DSTYK: variants seen among roughly 807,000 people sequenced by gnomAD.
The protein encoded by DSTYK is dual serine/threonine and tyrosine protein kinase.
DSTYK carries 34 observed loss-of-function variants against 98.7 expected under a neutral mutation model. That is an observed-to-expected ratio of 0.34 (90% CI 0.26 to 0.46). DSTYK has a LOEUF of 0.46. Among genes scored for constraint, DSTYK ranks in the 20% least tolerant of loss-of-function variants. The pLI, the probability that DSTYK is intolerant of heterozygous loss-of-function variation, is 1.00. For synonymous variants in DSTYK, 462 were observed against 457.3 expected (o/e 1.01, Z -0.13); for missense variants, 962 against 1,181.7 (o/e 0.81, Z 2.73).
At chr1:205,196,359 C>T (rs867253682) in intron 1 of DSTYK, among the ~76,000 whole-genome samples, 39 of 152,222 alleles carry the variant, frequency 2.6e-4, no homozygotes, top group Middle Eastern at 3.4e-3. Context: ...AAGTTCAAAA[C>T]CAACCTGGGC....
chr1:205,171,804 T>C (rs1658073238), intron 2 of DSTYK, among the ~76,000 whole-genome samples: 1 of 152,220 alleles, frequency 6.6e-6, no homozygotes, highest in Admixed American at 6.5e-5. Context: ...TTTAGAGTTA[T>C]AAAAGAACTC....
chr1:205,194,514 T>C (rs1658803811), intron 1 of DSTYK, among the ~76,000 whole-genome samples: 1 of 151,674 alleles, frequency 6.6e-6, no homozygotes, highest in Non-Finnish European at 1.5e-5. Context: ...ACCCAAGGAT[T>C]TCCCTCCTTC....
In DSTYK at chr1:205,204,157, C is replaced by A. The variant is rs927254164; in HGVS notation, c.265+7114G>T. On this transcript the variant is annotated intron_variant, in intron 1 of 12. Transcript: ENST00000367162. ...CCTGAGTAGGTAGTGCCACATTATA[C>A]TCATTCAATCAGATAGTCTCCCACT... is the stretch of plus-strand genomic sequence containing the variant. 7.2e-5 allele frequency among the ~76,000 whole-genome samples: 11 copies of A among 152,260 alleles called. No homozygotes were observed. In the South Asian group the frequency reaches 8.3e-4, roughly 11 times the overall value.
chr1:205,185,573 A>G (rs1364399133), intron 2 of DSTYK, among the ~76,000 whole-genome samples: 1 of 152,222 alleles, frequency 6.6e-6, no homozygotes, highest in Non-Finnish European at 1.5e-5. Flanking sequence ...GTGGGTTGCT[A>G]CTAACATTTT....
chr1:205,181,656 T>TGTGTGTGTGTGTG lies in DSTYK; in HGVS notation c.654+5761_654+5762insCACACACACACAC, dbSNP rs1558616449. ...AGATGTGAGCCACAGATGTTGGGGT[T>TGTGTGTGTGTGTG]TGTGTGTGTGTGTGTGTGTGTGTGT... On this transcript the variant is annotated intron_variant, in intron 2 of 12. Coordinates refer to ENST00000367162, the MANE Select transcript of DSTYK (RefSeq NM_015375.3). Among the ~76,000 whole-genome samples the TGTGTGTGTGTGTG allele has an allele frequency of 7.4e-4, 106 of 142,630 alleles. 1 individual carries two copies. Among genetic ancestry groups the TGTGTGTGTGTGTG allele is most frequent in the East Asian group, 4.4e-3 (21 of 4,808 alleles). 93.6% of individuals were successfully genotyped at this position (142,630 alleles called of 152,430 possible). A position where few individuals can be genotyped will look rare whatever the true frequency, so the allele number is the denominator to read the frequency against.
At chr1:205,179,366 C>T (rs1231973918) in intron 2 of DSTYK, among the ~76,000 whole-genome samples, 5 of 150,016 alleles carry the variant, frequency 3.3e-5, no homozygotes, top group Non-Finnish European at 7.4e-5. Flanking sequence ...CATGCCTGTA[C>T]TCCCAGCACT....
chr1:205,210,208 A>G (rs951007636), intron 1 of DSTYK, among the ~76,000 whole-genome samples: 3 of 152,012 alleles, frequency 2.0e-5, no homozygotes, highest in Non-Finnish European at 4.4e-5. Flanking sequence ...CGGCCTCTTC[A>G]GGGTCTTTTC....
chr1:205,203,782 G>C (rs1240398971), intron 1 of DSTYK, among the ~76,000 whole-genome samples: 1 of 151,548 alleles, frequency 6.6e-6, no homozygotes, highest in East Asian at 2.0e-4. Flanking sequence ...TGGGCATGGT[G>C]GTGTGTGCCT....
At chr1:205,204,678 A>G (rs892231624) in intron 1 of DSTYK, among the ~76,000 whole-genome samples, 2 of 152,142 alleles carry the variant, frequency 1.3e-5, no homozygotes, top group Non-Finnish European at 2.9e-5. Context: ...AAGTATCATC[A>G]CTATTTAATT....
intron 2 of DSTYK, among the ~76,000 whole-genome samples, chr1:205,175,906 ATCT>A (rs747904700): frequency 2.6e-5 from 4 of 152,154 alleles, no homozygotes; most frequent in Non-Finnish European, 4.4e-5. Context: ...CATATGTAAA[ATCT>A]TCTATCTTTC....
At chr1:205,197,125 C>T (rs1219073351) in intron 1 of DSTYK, among the ~76,000 whole-genome samples, 3 of 151,048 alleles carry the variant, frequency 2.0e-5, no homozygotes, top group Non-Finnish European at 2.9e-5. Flanking sequence ...CGTCATATAC[C>T]CTGTGATGAA....
rs113876330 is a variant in DSTYK at position 205,194,676 on chromosome 1, C to T, written c.266-6870G>A. On this transcript the variant is annotated intron_variant, in intron 1 of 12. Coordinates refer to ENST00000367162, the MANE Select transcript of DSTYK (RefSeq NM_015375.3). ...AGGATTATAGGCATGAGCCGCCGTG[C>T]CTGGCCTAAAAAAAAAAGACAGAGA... Among the ~76,000 whole-genome samples, 1,270 of 151,494 alleles carry T rather than the reference C, an allele frequency of 8.4e-3. 23 individuals carry two copies. Among genetic ancestry groups the T allele is most frequent in the African/African-American group, 0.029 (1,217 of 41,258 alleles).
intron 12 of DSTYK, among the ~76,000 whole-genome samples, 164 bp downstream of exon 12, chr1:205,148,041 A>G (rs1324690043): frequency 6.6e-6 from 1 of 152,264 alleles, no homozygotes; most frequent in African/African-American, 2.4e-5. Context: ...GACTTGAAGC[A>G]AAGGTTGACT....
intron 2 of DSTYK, among the ~76,000 whole-genome samples, chr1:205,179,620 CAAA>C (rs1201839853): frequency 1.1e-4 from 7 of 65,838 alleles, no homozygotes; most frequent in Non-Finnish European, 9.2e-5. Flanking sequence ...GAGTCCGTCT[CAAA>C]AAAAAAAAAA....
chr1:205,177,655 T>A (rs2102429597), intron 2 of DSTYK, among the ~76,000 whole-genome samples: 1 of 152,098 alleles, frequency 6.6e-6, no homozygotes, highest in East Asian at 1.9e-4. Context: ...TCACTTAAGG[T>A]CAGGAGTTTG....
In DSTYK at chr1:205,150,262, A is replaced by C. The variant is rs527857202; in HGVS notation, c.2467+418T>G. ...TTCCTTCTCTAAACACCAACAGTACATTATATAGCACTTAATTTAGCACTT... is the reference window on the plus strand; with the variant it reads ...TTCCTTCTCTAAACACCAACAGTACCTTATATAGCACTTAATTTAGCACTT... On this transcript the variant is annotated intron_variant, in intron 11 of 12. Transcript: ENST00000367162. This position sits in a 1 kb window ranked among gnomAD's most constrained non-coding sequence, Gnocchi z 4.1. Among the ~76,000 whole-genome samples the C allele has an allele frequency of 6.6e-6, 1 of 152,286 alleles. No homozygotes were observed. Among genetic ancestry groups the C allele is most frequent in the Admixed American group, 6.5e-5 (1 of 15,294 alleles).
rs1157465443 is a variant in DSTYK, at chr1:205,160,213, C to G, written c.2006G>C (p.Cys669Ser). 8 of 1,614,150 alleles carry G rather than the reference C, an allele frequency of 5.0e-6. No homozygotes were observed. The highest frequency in any genetic ancestry group is 6.8e-6 in the Non-Finnish European group (8 of 1,180,028). Residue 669 changes from cysteine (C) to serine (S), a missense_variant, in exon 8 of 13, where the codon TGT becomes TCT. Physicochemically the swap from Cys to Ser is moderately radical, Grantham distance 112. Coordinates refer to ENST00000367162, the MANE Select transcript of DSTYK (RefSeq NM_015375.3). ...AGGGAAGTGTCCTCCCCAGTTGTCA[C>G]ACAGGTATACCACACCATACTGGCC... ...GRGQYGVVYL[C>S]DNWGGHFPCA...
rs554795727 is a variant in DSTYK at position 205,150,942 on chromosome 1, G to C, written c.2353-148C>G. 2.4e-5 allele frequency: 17 copies of C among 701,292 alleles called. No individual in the cohort carries two copies. The South Asian group carries it at 2.5e-4, about 10-fold the overall frequency. 43.4% of individuals were successfully genotyped at this position (701,292 alleles called of 1,614,324 possible). On this transcript the variant is annotated intron_variant, in intron 10 of 12. Coordinates refer to ENST00000367162, the MANE Select transcript of DSTYK (RefSeq NM_015375.3). The surrounding 1 kb of genome is among the most constrained non-coding windows in gnomAD (Gnocchi z 4.1). ...TGAGTTGTCAGGTGATTTCATCCTT[G>C]TACAAACACCAGACTGTGCTTACAC...
At chr1:205,174,224 C>T (rs1205596839) in intron 2 of DSTYK, among the ~76,000 whole-genome samples, 1 of 151,642 alleles carries the variant, frequency 6.6e-6, no homozygotes, top group African/African-American at 2.4e-5. Flanking sequence ...ATTAAAAATA[C>T]AAAAATTAGG....
Sources: gnomAD v4.1 joint callset for allele counts (sites outside exome capture counted in the v4.1 genomes callset) on GRCh38, gnomAD v4.1.1 for gene constraint, Gnocchi (gnomAD v3.1) non-coding constraint, MANE v1.5 for transcripts, NCBI Gene and HGNC (gene_info 2026-07-23, HGNC 2026-07-21) for gene names.